Variants in ARHGEF10L observed in about 807,000 individuals in gnomAD.
ARHGEF10L encodes the protein rho guanine nucleotide exchange factor 10-like protein.
A neutral mutation model predicts 141.2 loss-of-function variants in ARHGEF10L; 69 were observed. That is an observed-to-expected ratio of 0.49 (90% CI 0.40 to 0.60). ARHGEF10L has a LOEUF of 0.60. Among genes scored for constraint, ARHGEF10L ranks in the 20% least tolerant of loss-of-function variants. ARHGEF10L has a pLI of 0.00. For synonymous variants in ARHGEF10L, 711 were observed against 718.5 expected (o/e 0.99, Z 0.17); for missense variants, 1,482 against 1,734.3 (o/e 0.85, Z 2.58).
intron 4 of ARHGEF10L, among the ~76,000 whole-genome samples, chr1:17,599,087 G>A (rs959161283): frequency 6.6e-6 from 1 of 152,126 alleles, no homozygotes; most frequent in Non-Finnish European, 1.5e-5. Context: ...CTCACTCCCA[G>A]CACTTTGGGA....
At chr1:17,552,414 T>G (rs1342112549) in intron 1 of ARHGEF10L, among the ~76,000 whole-genome samples, 1 of 151,998 alleles carries the variant, frequency 6.6e-6, no homozygotes, top group Non-Finnish European at 1.5e-5. Flanking sequence ...TTTTTTTTTC[T>G]TTTGAGATAG....
intron 18 of ARHGEF10L, among the ~76,000 whole-genome samples, chr1:17,636,301 C>T (rs956781190): frequency 6.6e-6 from 1 of 152,172 alleles, no homozygotes; most frequent in Admixed American, 6.6e-5. Context: ...TCTTGTGGAA[C>T]CCTTCATTAT....
chr1:17,593,563 G>A (rs149414037), intron 4 of ARHGEF10L, among the ~76,000 whole-genome samples: 29 of 152,202 alleles, frequency 1.9e-4, no homozygotes, highest in Admixed American at 8.5e-4. Flanking sequence ...AATGGAGGAC[G>A]GGATTGTGAC....
At chr1:17,624,569 G>A (rs2060279336) in intron 13 of ARHGEF10L, 66 bp downstream of exon 13, 9 of 1,358,444 alleles carry the variant, frequency 6.6e-6, no homozygotes, top group Non-Finnish European at 9.5e-6. Flanking sequence ...GAGGAAGGGA[G>A]CATTTTGGCC....
upstream of ARHGEF10L, among the ~76,000 whole-genome samples, chr1:17,537,649 T>C (rs1407906727): frequency 6.6e-6 from 1 of 151,840 alleles, no homozygotes; most frequent in East Asian, 1.9e-4. Context: ...AGGGTAAGAC[T>C]TAGTACAACC....
chr1:17,579,562 G>A (rs906421187), intron 1 of ARHGEF10L, among the ~76,000 whole-genome samples: 2 of 152,184 alleles, frequency 1.3e-5, no homozygotes, highest in Non-Finnish European at 2.9e-5. Context: ...CTGAGGTATC[G>A]TTGGCAATGC....
chr1:17,587,057 A>G (rs2079081771), intron 2 of ARHGEF10L, among the ~76,000 whole-genome samples: 1 of 152,208 alleles, frequency 6.6e-6, no homozygotes, highest in Non-Finnish European at 1.5e-5. Flanking sequence ...GTCTGTGCTC[A>G]TTTGCACACA....
At chr1:17,667,158 G>A (rs2063035930) in intron 26 of ARHGEF10L, among the ~76,000 whole-genome samples, 1 of 152,238 alleles carries the variant, frequency 6.6e-6, no homozygotes, top group Non-Finnish European at 1.5e-5. Flanking sequence ...TCGGCCTGTA[G>A]GCCTAGTGTG....
chr1:17,625,856 C>A lies in ARHGEF10L; in HGVS notation c.1318-100C>A. 9.8e-7 allele frequency: 1 copy of A among 1,017,204 alleles called. No homozygotes were observed. The highest frequency in any genetic ancestry group is 1.5e-6 in the Non-Finnish European group (1 of 662,234). 63.0% of individuals were successfully genotyped at this position (1,017,204 alleles called of 1,614,324 possible). On this transcript the variant is annotated intron_variant, in intron 13 of 28. Transcript: ENST00000361221. The surrounding 1 kb of genome is among the most constrained non-coding windows in gnomAD (Gnocchi z 4.5). ...CCCAGGGATAGGCAGGGTCTTAGGGCCTGGGGAGAGGAGCCCAGAATGGGG... is the reference window on the plus strand; with the variant it reads ...CCCAGGGATAGGCAGGGTCTTAGGGACTGGGGAGAGGAGCCCAGAATGGGG...
chr1:17,685,805 A>G (rs2064523124), intron 26 of ARHGEF10L, among the ~76,000 whole-genome samples: 1 of 152,186 alleles, frequency 6.6e-6, no homozygotes, highest in Admixed American at 6.5e-5. Flanking sequence ...TGTACTTACA[A>G]TTGAGGAAAC....
At position 17,627,734 on chromosome 1, in the gene ARHGEF10L, T is replaced by G. The variant is rs1489096372; in HGVS notation, c.1584+231T>G. On this transcript the variant is annotated intron_variant, in intron 15 of 28. Transcript: ENST00000361221. This position sits in a 1 kb window ranked among gnomAD's most constrained non-coding sequence, Gnocchi z 4.0. The stretch of plus-strand genomic sequence containing the variant: ...GTTCATTTTGTGCATCAGTGTGATT[T>G]CCAGTAAAGTCTCCAGAAATCAAAG... 6.6e-6 allele frequency among the ~76,000 whole-genome samples: 1 copy of G among 152,204 alleles called. No homozygotes were observed. Among genetic ancestry groups the G allele is most frequent in the Admixed American group, 6.5e-5 (1 of 15,276 alleles).
At chr1:17,575,552 G>A (rs188770734) in intron 1 of ARHGEF10L, among the ~76,000 whole-genome samples, 18 of 152,378 alleles carry the variant, frequency 1.2e-4, no homozygotes, top group African/African-American at 4.3e-4. Context: ...GTGAGAGCCA[G>A]AGCAGAGTTC....
chr1:17,634,698 C>T, intron 17 of ARHGEF10L, 136 bp downstream of exon 17: 2 of 1,462,480 alleles, frequency 1.4e-6, no homozygotes, highest in Non-Finnish European at 9.2e-7. Context: ...CTCTGCCTGG[C>T]TTGGTTTTGG....
At chr1:17,571,126 A>T (rs1304438895) in intron 1 of ARHGEF10L, among the ~76,000 whole-genome samples, 1 of 152,154 alleles carries the variant, frequency 6.6e-6, no homozygotes, top group African/African-American at 2.4e-5. Flanking sequence ...GAAGTGAGCC[A>T]GGTGACCCAG....
chr1:17,593,932 G>C (rs111924727), intron 4 of ARHGEF10L, among the ~76,000 whole-genome samples: 1 of 150,762 alleles, frequency 6.6e-6, no homozygotes, highest in African/African-American at 2.5e-5. Context: ...CAGGCCAGGG[G>C]CTCTGTTTGC....
At chr1:17,677,606 G>A (rs567000581) in intron 26 of ARHGEF10L, among the ~76,000 whole-genome samples, 52 of 152,304 alleles carry the variant, frequency 3.4e-4, no homozygotes, top group African/African-American at 1.0e-3. Flanking sequence ...GGAGATCAGG[G>A]GGGGAGAGAC....
At chr1:17,530,879 C>T in the ARHGEF10L span, among the ~76,000 whole-genome samples, 2 of 151,956 alleles carry the variant, frequency 1.3e-5, no homozygotes, top group Non-Finnish European at 2.9e-5. Flanking sequence ...GTGGCAGGCT[C>T]CTATAATCCC....
chr1:17,551,695 AACC>A (rs2100724582), intron 1 of ARHGEF10L, among the ~76,000 whole-genome samples: 1 of 152,270 alleles, frequency 6.6e-6, no homozygotes, highest in African/African-American at 2.4e-5. Flanking sequence ...TCATTCTCTG[AACC>A]CTGCTGCTTC....
chr1:17,685,015 G>A, intron 26 of ARHGEF10L, among the ~76,000 whole-genome samples: 1 of 152,076 alleles, frequency 6.6e-6, no homozygotes, highest in African/African-American at 2.4e-5. Context: ...GCTTAGCTCC[G>A]CATGGAGACC....
Sources: allele counts gnomAD v4.1 joint callset (sites outside exome capture counted in the v4.1 genomes callset), GRCh38; gene constraint gnomAD v4.1.1; non-coding constraint Gnocchi (gnomAD v3.1); transcripts MANE v1.5; gene names NCBI Gene and HGNC (gene_info 2026-07-23, HGNC 2026-07-21).